ASXL3: variants seen among roughly 807,000 people sequenced by gnomAD.
The protein encoded by ASXL3 is putative Polycomb group protein ASXL3.
ASXL3 carries 34 observed loss-of-function variants against 170.6 expected under a neutral mutation model. The ratio of observed to expected loss-of-function variants is 0.20; its 90% CI spans 0.15 to 0.27. The LOEUF is 0.27. Among genes scored for constraint, ASXL3 ranks in the 10% least tolerant of loss-of-function variants. ASXL3 has a pLI of 1.00. For missense variants in ASXL3, 2,592 were observed against 2,695.3 expected, an observed-to-expected ratio of 0.96 and a Z score of 0.85; for synonymous variants, 1,002 against 989.1, an observed-to-expected ratio of 1.01 and a Z score of -0.24.
chr18:33,644,747 A>C, intron 2 of ASXL3, 147 bp from the exon 3 acceptor site: 1 of 463,418 alleles, frequency 2.2e-6, no homozygotes, highest in Non-Finnish European at 3.8e-6. Context: ...CAGGGTTGAG[A>C]GGGTATTTTT....
intron 1 of ASXL3, among the ~76,000 whole-genome samples, chr18:33,582,171 C>T (rs1001936790): frequency 2.0e-5 from 3 of 152,160 alleles, no homozygotes; most frequent in Admixed American, 2.0e-4. Flanking sequence ...TTGTAGACCA[C>T]AATAAGAATA....
chr18:33,699,469 G>A (rs1432977292), intron 8 of ASXL3, among the ~76,000 whole-genome samples: 1 of 152,144 alleles, frequency 6.6e-6, no homozygotes, highest in Non-Finnish European at 1.5e-5. Flanking sequence ...TGAAGATGGA[G>A]TGATAGAGAT....
intron 2 of ASXL3, among the ~76,000 whole-genome samples, chr18:33,644,677 G>C (rs1396000091): frequency 6.6e-6 from 1 of 151,878 alleles, no homozygotes; most frequent in Non-Finnish European, 1.5e-5. Context: ...TTATAAGACA[G>C]ATGCATCTGA....
chr18:33,699,185 A>G (rs1234246700), intron 8 of ASXL3, among the ~76,000 whole-genome samples: 1 of 152,114 alleles, frequency 6.6e-6, no homozygotes, highest in African/African-American at 2.4e-5. Context: ...AAAACCGGCA[A>G]GAAAATCTTC....
At chr18:33,615,102 T>C (rs991628992) in intron 2 of ASXL3, among the ~76,000 whole-genome samples, 1 of 152,138 alleles carries the variant, frequency 6.6e-6, no homozygotes, top group Non-Finnish European at 1.5e-5. Flanking sequence ...CCTATGAAAG[T>C]CCTAGATGGC....
intron 5 of ASXL3, among the ~76,000 whole-genome samples, chr18:33,662,502 C>T (rs2066189830): frequency 2.0e-5 from 3 of 152,080 alleles, no homozygotes; most frequent in Admixed American, 6.6e-5. Flanking sequence ...GTGAGTGGCT[C>T]ATAGAAATAA....
At chr18:33,673,203 G>C (rs1277163534) in intron 7 of ASXL3, among the ~76,000 whole-genome samples, 1 of 152,042 alleles carries the variant, frequency 6.6e-6, no homozygotes, top group African/African-American at 2.4e-5. Context: ...AAACATCTGC[G>C]GCCTTTAGTT....
intron 1 of ASXL3, among the ~76,000 whole-genome samples, chr18:33,587,599 A>G (rs2065045124): frequency 6.6e-6 from 1 of 152,154 alleles, no homozygotes; most frequent in South Asian, 2.1e-4. Context: ...TAAAAGTTAG[A>G]AAATAAAAGG....
intron 4 of ASXL3, among the ~76,000 whole-genome samples, chr18:33,659,524 G>A (rs1458717853): frequency 6.6e-6 from 1 of 152,038 alleles, no homozygotes; most frequent in Non-Finnish European, 1.5e-5. Flanking sequence ...TATTTTATCT[G>A]CCGTCTCTCT....
chr18:33,750,073 A>T lies in ASXL3; in HGVS notation c.*3478A>T, dbSNP rs1173314679. On this transcript the variant is annotated 3_prime_UTR_variant, in exon 12 of 12. Transcript: ENST00000269197. The stretch of plus-strand genomic sequence containing the variant: ...CCAAGCCTAGGGTAGCATCGTCTGT[A>T]CGGTGGTGAGGCCCAGCACAGCGGT... 2.0e-5 allele frequency: 3 copies of T among 152,272 alleles called. No individual in the cohort carries two copies. Among genetic ancestry groups the T allele is most frequent in the Non-Finnish European group, 4.4e-5 (3 of 68,084 alleles). The allele number at this position is 152,272 out of a possible 1,614,324, so 9.4% of individuals were successfully genotyped here.
At chr18:33,692,952 AGGT>A (rs1314375676) in intron 8 of ASXL3, among the ~76,000 whole-genome samples, 2 of 152,140 alleles carry the variant, frequency 1.3e-5, no homozygotes, top group Non-Finnish European at 2.9e-5. Context: ...TTTAAGATAA[AGGT>A]GCCAGCATGG....
intron 9 of ASXL3, among the ~76,000 whole-genome samples, chr18:33,733,737 A>G (rs540806524): frequency 2.4e-4 from 37 of 152,238 alleles, no homozygotes; most frequent in African/African-American, 8.4e-4. Context: ...TTTACTCACA[A>G]TTGGCCACTC....
intron 1 of ASXL3, among the ~76,000 whole-genome samples, chr18:33,585,056 G>A (rs1422469797): frequency 6.6e-6 from 1 of 151,844 alleles, no homozygotes; most frequent in African/African-American, 2.4e-5. Flanking sequence ...CCTGCCTTTT[G>A]GATTGCCTAC....
chr18:33,676,140 C>T (rs2066424866), intron 7 of ASXL3, among the ~76,000 whole-genome samples: 1 of 142,692 alleles, frequency 7.0e-6, no homozygotes, highest in African/African-American at 2.6e-5. Context: ...AGGAGAATGG[C>T]GTGAACCCGG....
At chr18:33,668,775 C>A (rs941784930) in intron 5 of ASXL3, among the ~76,000 whole-genome samples, 6 of 151,994 alleles carry the variant, frequency 3.9e-5, no homozygotes, top group Non-Finnish European at 7.4e-5. Context: ...ATTTTCGTTG[C>A]TTTAATTATT....
At chr18:33,630,926 TACAG>T (rs1271831677) in intron 2 of ASXL3, among the ~76,000 whole-genome samples, 1 of 151,942 alleles carries the variant, frequency 6.6e-6, no homozygotes, top group African/African-American at 2.4e-5. Context: ...TTGAGAAAGA[TACAG>T]ACACAATCAA....
intron 2 of ASXL3, among the ~76,000 whole-genome samples, chr18:33,611,672 C>A (rs1462010886): frequency 6.6e-6 from 1 of 152,056 alleles, no homozygotes; most frequent in African/African-American, 2.4e-5. Context: ...CTTAGATAAA[C>A]ATCCTCACTT....
At chr18:33,635,789 T>G (rs966580746) in intron 2 of ASXL3, among the ~76,000 whole-genome samples, 1 of 152,198 alleles carries the variant, frequency 6.6e-6, no homozygotes, top group Non-Finnish European at 1.5e-5. Flanking sequence ...CAGACATGAT[T>G]GCAGCCATGA....
chr18:33,670,923 C>A (rs2066330911), intron 6 of ASXL3, 133 bp downstream of exon 6: 1 of 530,812 alleles, frequency 1.9e-6, no homozygotes, highest in Admixed American at 4.1e-5. Flanking sequence ...TTTCTTTATA[C>A]CTTTGACTCA....
Sources: gnomAD v4.1 joint callset for allele counts (sites outside exome capture counted in the v4.1 genomes callset) on GRCh38, gnomAD v4.1.1 for gene constraint, MANE v1.5 for transcripts, NCBI Gene and HGNC (gene_info 2026-07-23, HGNC 2026-07-21) for gene names.